TRIM29: variants seen among roughly 807,000 people sequenced by gnomAD.
The protein encoded by TRIM29 is tripartite motif-containing protein 29.
TRIM29 carries 52 observed loss-of-function variants against 57.3 expected under a neutral mutation model. That is an observed-to-expected ratio of 0.91 (90% CI 0.73 to 1.14). The LOEUF is 1.14. Ranked by LOEUF, TRIM29 falls within the 50% of genes most tolerant of loss-of-function variation. The probability of loss-of-function intolerance (pLI) is 0.00; values close to 1 mark genes in which losing one functional copy is unlikely to be tolerated. For synonymous variants in TRIM29, 319 were observed against 316.9 expected (o/e 1.01, Z -0.07); for missense variants, 753 against 774.6 (o/e 0.97, Z 0.33).
At chr11:120,118,145 A>C (rs2134988589) in intron 7 of TRIM29, 78 bp downstream of exon 7, 1 of 1,306,180 alleles carries the variant, frequency 7.7e-7, no homozygotes, top group East Asian at 2.4e-5. Flanking sequence ...CTAGCAGCTC[A>C]GCGAAGAGAC....
chr11:120,119,105 A>G (rs1273171933), intron 6 of TRIM29, among the ~76,000 whole-genome samples: 1 of 152,228 alleles, frequency 6.6e-6, no homozygotes, highest in Non-Finnish European at 1.5e-5. Context: ...GACAGTTGAT[A>G]GTTGCCAAGT....
intron 4 of TRIM29, chr11:120,125,358 G>A (rs1466981687): frequency 3.1e-6 from 1 of 326,968 alleles, no homozygotes; most frequent in Non-Finnish European, 5.8e-6. Flanking sequence ...ACAGCTGCTG[G>A]GCTGGGCCCG....
At position 120,125,772 on chromosome 11, in the gene TRIM29, T is replaced by G. The variant is rs978225294; in HGVS notation, c.1252A>C (p.Asn418His). ...TTCTCAACGTGGCGCATGCATACAT[T>G]GAGCAGGTCGTCCTTGAAGTTGCCT... The part of the protein sequence containing the change: ...SLGNFKDDLL[N>H]VCMRHVEKMC... The change falls in exon 4 of 9, where the codon AAT becomes CAT. Residue 418 changes from asparagine to histidine, a missense_variant. Transcript: ENST00000341846. 7.4e-6 allele frequency: 12 copies of G among 1,614,094 alleles called. No individual in the cohort carries two copies. The highest frequency in any genetic ancestry group is 2.7e-5 in the African/African-American group (2 of 74,934).
Position 120,125,567 on chromosome 11 carries a change from G to C in TRIM29, c.1333+124C>G, listed in dbSNP as rs981984867. 1.0e-5 allele frequency: 10 copies of C among 962,948 alleles called. No homozygotes were observed. The Admixed American group carries it at 1.7e-4, about 17-fold the overall frequency. The allele number at this position is 962,948 out of a possible 1,614,324, so 59.7% of individuals were successfully genotyped here. A position where few individuals can be genotyped will look rare whatever the true frequency, so the allele number is the denominator to read the frequency against. On this transcript the variant is annotated intron_variant, in intron 4 of 8. Coordinates refer to ENST00000341846, the MANE Select transcript of TRIM29 (RefSeq NM_012101.4). Reference sequence around the variant, plus strand: ...CCTAGTCCAAACGGCCTGAGGAAGGGTGGGTGGGTGGGTGGGAACAATGAG... The same window carrying C: ...CCTAGTCCAAACGGCCTGAGGAAGGCTGGGTGGGTGGGTGGGAACAATGAG...
intron 8 of TRIM29, chr11:120,113,697 G>C: frequency 2.2e-6 from 1 of 456,210 alleles, no homozygotes; most frequent in Non-Finnish European, 4.4e-6. Context: ...GGAGGGGTAA[G>C]AACAGCTACT....
chr11:120,132,574 T>C (rs942742962), intron 1 of TRIM29, among the ~76,000 whole-genome samples: 1 of 152,128 alleles, frequency 6.6e-6, no homozygotes, highest in African/African-American at 2.4e-5. Flanking sequence ...CAGCTAGCAG[T>C]GCCTCAACCT....
rs1448619634 is a variant in TRIM29, at chr11:120,125,894, C to A, written c.1135-5G>T. On this transcript the variant is annotated splice_polypyrimidine_tract_variant and splice_region_variant and intron_variant, in intron 3 of 8. Transcript: ENST00000341846. ...GCTCATCAATGCACCAAATTCCTAC[C>A]AAGAAAGGAAAGAACCATTAACTGC... is the stretch of plus-strand genomic sequence containing the variant. The A allele has an allele frequency of 6.2e-7, 1 of 1,610,994 alleles. No individual in the cohort carries two copies. The highest frequency in any genetic ancestry group is 1.7e-5 in the Admixed American group (1 of 59,978).
intron 6 of TRIM29, among the ~76,000 whole-genome samples, chr11:120,119,476 G>A (rs1863378029): frequency 6.6e-6 from 1 of 152,198 alleles, no homozygotes; most frequent in African/African-American, 2.4e-5. Context: ...GTCCAGCCAG[G>A]GTTCCGCGAG....
rs551621529 is a variant in TRIM29 at position 120,112,438 on chromosome 11, C to G, written c.1743G>C (p.Gly581=). The change falls in exon 9 of 9, where the codon GGG becomes GGC. Residue 581 remains glycine (G), a synonymous_variant. Coordinates refer to ENST00000341846, the MANE Select transcript of TRIM29 (RefSeq NM_012101.4). The part of the protein sequence containing the change: ...YRPFYVNKGN[G]IGSNEAP ...CTCATGGGGCTTCGTTGGACCCAAT[C>G]CCGTTGCCTTTGTTGACGTAGAATG... 6.2e-7 allele frequency: 1 copy of G among 1,613,480 alleles called. No individual in the cohort carries two copies.
At chr11:120,130,891 T>C (rs1207407213) in intron 1 of TRIM29, among the ~76,000 whole-genome samples, 1 of 152,102 alleles carries the variant, frequency 6.6e-6, no homozygotes, top group Non-Finnish European at 1.5e-5. Flanking sequence ...GTGAGGATAG[T>C]GTACGCTGTC....
chr11:120,112,592 T>C, intron 8 of TRIM29, 116 bp from the exon 9 acceptor site: 1 of 1,109,426 alleles, frequency 9.0e-7, no homozygotes, highest in South Asian at 1.3e-5. Flanking sequence ...CCGACAATTC[T>C]AGGGGCCTTT....
At chr11:120,132,010 T>G (rs539252321) in intron 1 of TRIM29, among the ~76,000 whole-genome samples, 2 of 151,406 alleles carry the variant, frequency 1.3e-5, no homozygotes, top group South Asian at 4.2e-4. Flanking sequence ...GTTCTCACAG[T>G]TGGAAAGCGG....
intron 1 of TRIM29, among the ~76,000 whole-genome samples, chr11:120,130,462 C>A (rs1565320397): frequency 6.6e-6 from 1 of 152,340 alleles, no homozygotes; most frequent in East Asian, 1.9e-4. Context: ...AAAGTCCTGT[C>A]TCAAATAGGA....
chr11:120,113,057 C>T (rs1863174769), intron 8 of TRIM29, among the ~76,000 whole-genome samples: 1 of 152,198 alleles, frequency 6.6e-6, no homozygotes, highest in South Asian at 2.1e-4. Context: ...CTCGGCATCA[C>T]TTCTCTTATG....
At chr11:120,123,712 C>T (rs1224983115) in intron 4 of TRIM29, 2 of 342,406 alleles carry the variant, frequency 5.8e-6, no homozygotes, top group Non-Finnish European at 1.1e-5. Context: ...TTCGACTTCC[C>T]CGTCTTCTAC....
At chr11:120,123,223 A>T in intron 4 of TRIM29, 168 bp from the exon 5 acceptor site, 1 of 704,726 alleles carries the variant, frequency 1.4e-6, no homozygotes, top group Non-Finnish European at 2.6e-6. Context: ...CCCAGCATTC[A>T]CTCGGTTCCT....
In TRIM29 at chr11:120,120,575, T is replaced by G. The variant is rs200831783; in HGVS notation, c.1526A>C (p.Lys509Thr). The change falls in exon 6 of 9, where the codon AAA becomes ACA. Residue 509 changes from lysine to threonine, a missense_variant and splice_region_variant. By Grantham distance (78) the Lys-to-Thr change is moderately conservative. Coordinates refer to ENST00000341846, the MANE Select transcript of TRIM29 (RefSeq NM_012101.4). ...QKNFNNLYGT[K>T]GNYTSRVWEY... ...CCTTGAGCTGAGCCACCACCTACCTTTGGTGCCATAGAGATTGTTGAAATT... is the reference window on the plus strand; with the variant it reads ...CCTTGAGCTGAGCCACCACCTACCTGTGGTGCCATAGAGATTGTTGAAATT... 146 of 1,612,320 alleles carry G rather than the reference T, an allele frequency of 9.1e-5. No individual in the cohort carries two copies. Among genetic ancestry groups the G allele is most frequent in the Non-Finnish European group, 1.2e-4 (143 of 1,179,678 alleles).
intron 1 of TRIM29, among the ~76,000 whole-genome samples, chr11:120,129,307 G>A (rs1316916521): frequency 6.6e-6 from 1 of 152,142 alleles, no homozygotes; most frequent in East Asian, 1.9e-4. Context: ...GAGACAAAAG[G>A]AGAGGCATGA....
chr11:120,127,752 C>G (rs1411200741), intron 2 of TRIM29, among the ~76,000 whole-genome samples, 183 bp from the exon 3 acceptor site: 1 of 152,064 alleles, frequency 6.6e-6, no homozygotes, highest in Non-Finnish European at 1.5e-5. Context: ...CACCTACTGA[C>G]AGAGATAGCC....
Sources: gnomAD v4.1 joint callset for allele counts (sites outside exome capture counted in the v4.1 genomes callset) on GRCh38, gnomAD v4.1.1 for gene constraint, MANE v1.5 for transcripts, NCBI Gene and HGNC (gene_info 2026-07-23, HGNC 2026-07-21) for gene names.